PHF3: variants seen among roughly 807,000 people sequenced by gnomAD.
PHF3 encodes the protein PHD finger protein 3.
A neutral mutation model predicts 178.4 loss-of-function variants in PHF3; 41 were observed. That is an observed-to-expected ratio of 0.23 (90% CI 0.18 to 0.30). PHF3 has a LOEUF of 0.30. Among genes scored for constraint, PHF3 ranks in the 10% least tolerant of loss-of-function variants. The probability of loss-of-function intolerance (pLI) is 1.00; values close to 1 mark genes in which losing one functional copy is unlikely to be tolerated. For missense variants in PHF3, 2,346 were observed against 2,398.1 expected (o/e 0.98, Z 0.45); for synonymous variants, 842 against 800.5 (o/e 1.05, Z -0.88).
rs148011732 is a variant in PHF3, at chr6:63,661,344, A to T, written c.244+14549A>T. On this transcript the variant is annotated intron_variant, in intron 2 of 15. Coordinates refer to ENST00000262043, the MANE Select transcript of PHF3 (RefSeq NM_001370348.2). Reference sequence around the variant, plus strand: ...ATGAGACTAGAAGTTAAGAAAATAAAATGTTTGATGCAGGTGGGGTACAAC... The same window carrying T: ...ATGAGACTAGAAGTTAAGAAAATAATATGTTTGATGCAGGTGGGGTACAAC... Among the ~76,000 whole-genome samples the T allele has an allele frequency of 8.6e-3, 1,313 of 152,262 alleles. 8 individuals are homozygous for T. The highest frequency in any genetic ancestry group is 0.012 in the Non-Finnish European group (841 of 68,012).
intron 1 of PHF3, among the ~76,000 whole-genome samples, chr6:63,638,272 CA>C (rs1036219236): frequency 1.4e-4 from 21 of 152,096 alleles, no homozygotes; most frequent in African/African-American, 4.6e-4. Flanking sequence ...CAGCAAGTGG[CA>C]ATTTGGAGTA....
chr6:63,697,315 G>A (rs571310073), intron 6 of PHF3, among the ~76,000 whole-genome samples: 2 of 152,186 alleles, frequency 1.3e-5, no homozygotes, highest in South Asian at 4.2e-4. Context: ...AATATGAAGA[G>A]CAAATCAAAA....
At chr6:63,679,840 T>C (rs1460084544) in intron 2 of PHF3, 160 bp from the exon 3 acceptor site, 6 of 682,390 alleles carry the variant, frequency 8.8e-6, no homozygotes, top group Admixed American at 6.1e-5. Flanking sequence ...TTTGGGAGTT[T>C]GGTAGTGGCA....
rs576956849 is a variant in PHF3, at chr6:63,684,734, G to T, written c.1012G>T (p.Asp338Tyr). The change falls in exon 4 of 16, where the codon GAC becomes TAC. Residue 338 changes from aspartate (D) to tyrosine (Y), a missense_variant. Physicochemically the swap from Asp to Tyr is radical, Grantham distance 160. Transcript: ENST00000262043. ...CCATGAAGATGACCATATTCTTGAG[G>T]ACGCTGGATCTTCTGATATTTCTAG... The part of the protein sequence containing the change: ...LSHEDDHILE[D>Y]AGSSDISSDA... 9 of 1,613,800 alleles carry T rather than the reference G, an allele frequency of 5.6e-6. No homozygotes were observed. The African/African-American group carries it at 1.1e-4, about 19-fold the overall frequency.
At position 63,685,515 on chromosome 6, in the gene PHF3, A is replaced by T; in HGVS notation, c.1793A>T (p.Asp598Val). ...IFKPLTHSLS[D>V]KSHAHPGCLK... ...AAGCCCTTAACTCATTCTTTGAGTG[A>T]TAAGTCACACGCTCATCCTGGTTGC... The change falls in exon 4 of 16, where the codon GAT becomes GTT. Residue 598 changes from aspartate to valine, a missense_variant. Coordinates refer to ENST00000262043, the MANE Select transcript of PHF3 (RefSeq NM_001370348.2). The T allele has an allele frequency of 6.2e-7, 1 of 1,614,158 alleles. No individual in the cohort carries two copies. Among genetic ancestry groups the T allele is most frequent in the Non-Finnish European group, 8.5e-7 (1 of 1,180,032 alleles).
Position 63,698,473 on chromosome 6 carries a change from A to G in PHF3, c.2850A>G (p.Val950=). The G allele has an allele frequency of 1.2e-6, 2 of 1,600,464 alleles. No individual in the cohort carries two copies. The highest frequency in any genetic ancestry group is 1.7e-6 in the Non-Finnish European group (2 of 1,175,434). ...MKRLTDSNLK[V]PEEKAAKVAT... is the part of the protein sequence containing the mutation. The stretch of plus-strand genomic sequence containing the variant: ...GACTTACAGACTCAAATTTGAAGGT[A>G]CCAGAGGAAAAGGCAGCAAAAGTTG... Residue 950 remains valine (V), a synonymous_variant, in exon 8 of 16, where the codon GTA becomes GTG. Transcript: ENST00000262043.
chr6:63,689,285 C>T (rs1582085019), intron 4 of PHF3, among the ~76,000 whole-genome samples: 1 of 152,110 alleles, frequency 6.6e-6, no homozygotes, highest in Non-Finnish European at 1.5e-5. Context: ...CTTGTGGTTT[C>T]TGTTTTTCTA....
At chr6:63,709,731 A>G (rs745361022) in intron 14 of PHF3, among the ~76,000 whole-genome samples, 1 of 152,202 alleles carries the variant, frequency 6.6e-6, no homozygotes, top group Non-Finnish European at 1.5e-5. Context: ...ATTGGAAAGA[A>G]CCTAGTCACA....
intron 1 of PHF3, among the ~76,000 whole-genome samples, chr6:63,644,469 G>C (rs1365817028): frequency 6.6e-6 from 1 of 152,160 alleles, no homozygotes; most frequent in African/African-American, 2.4e-5. Flanking sequence ...TTGGCACTGA[G>C]ATGATATAGT....
chr6:63,713,171 C>T lies in PHF3; in HGVS notation c.5583C>T (p.Leu1861=), dbSNP rs377482437. The T allele has an allele frequency of 6.2e-7, 1 of 1,614,032 alleles. No individual in the cohort carries two copies. The highest frequency in any genetic ancestry group is 8.5e-7 in the Non-Finnish European group (1 of 1,179,970). Residue 1861 remains leucine, a synonymous_variant, in exon 16 of 16, where the codon CTC becomes CTT. Coordinates refer to ENST00000262043, the MANE Select transcript of PHF3 (RefSeq NM_001370348.2). ...PMVPWPPVVH[L]PGQPQRMMGP... ...TTCCCTGGCCACCTGTTGTTCATCTCCCAGGTCAGCCACAGCGTATGATGG... is the reference window on the plus strand; with the variant it reads ...TTCCCTGGCCACCTGTTGTTCATCTTCCAGGTCAGCCACAGCGTATGATGG...
chr6:63,693,866 T>C (rs758567167), intron 5 of PHF3, among the ~76,000 whole-genome samples: 1 of 152,230 alleles, frequency 6.6e-6, no homozygotes, highest in Non-Finnish European at 1.5e-5. Flanking sequence ...GTTTCTGTTG[T>C]GTGGCATAGC....
intron 5 of PHF3, among the ~76,000 whole-genome samples, chr6:63,694,114 T>C (rs1473821055): frequency 6.6e-6 from 1 of 152,192 alleles, no homozygotes; most frequent in Non-Finnish European, 1.5e-5. Context: ...GATCTCAGAA[T>C]TCCAGTTTTA....
chr6:63,701,584 G>T (rs1177312491), intron 9 of PHF3, among the ~76,000 whole-genome samples: 1 of 151,902 alleles, frequency 6.6e-6, no homozygotes, highest in Non-Finnish European at 1.5e-5. Flanking sequence ...TGATTCTTTT[G>T]TTCATAATAT....
chr6:63,662,738 T>C (rs537087694), intron 2 of PHF3, among the ~76,000 whole-genome samples: 1 of 152,372 alleles, frequency 6.6e-6, no homozygotes, highest in South Asian at 2.1e-4. Context: ...AAATTAGTTA[T>C]CAAATATGTG....
rs1034476561 is a variant in PHF3, at chr6:63,715,668, G to T, written c.*1960G>T. 4.6e-5 allele frequency among the ~76,000 whole-genome samples: 7 copies of T among 152,024 alleles called. No individual in the cohort carries two copies. The highest frequency in any genetic ancestry group is 1.4e-4 in the African/African-American group (6 of 41,402). The stretch of plus-strand genomic sequence containing the variant: ...ATCTTGATACATGTTTTTAAAATAG[G>T]CAAGGCCCATATAGCTTTCTATTAG... On this transcript the variant is annotated 3_prime_UTR_variant, in exon 16 of 16. Coordinates refer to ENST00000262043, the MANE Select transcript of PHF3 (RefSeq NM_001370348.2).
At position 63,702,552 on chromosome 6, in the gene PHF3, G is replaced by T; in HGVS notation, c.3144G>T (p.Arg1048=). 6.2e-7 allele frequency: 1 copy of T among 1,612,342 alleles called. No homozygotes were observed. Among genetic ancestry groups the T allele is most frequent in the Non-Finnish European group, 8.5e-7 (1 of 1,178,792 alleles). Residue 1048 remains arginine, a synonymous_variant, in exon 10 of 16, where the codon CGG becomes CGT. Transcript: ENST00000262043. ...AAGAGCAGAGAGAAGTGGAACGACG[G>T]CCAATCACCAAAATAACTCATAAAG... ...IEKEQREVER[R]PITKITHKGE...
At chr6:63,709,531 T>G (rs1767836626) in intron 14 of PHF3, among the ~76,000 whole-genome samples, 1 of 152,146 alleles carries the variant, frequency 6.6e-6, no homozygotes, top group Non-Finnish European at 1.5e-5. Flanking sequence ...TTGCCTTGCT[T>G]CTATTACAGA....
At chr6:63,697,453 G>GT (rs990076589) in intron 6 of PHF3, among the ~76,000 whole-genome samples, 3 of 152,296 alleles carry the variant, frequency 2.0e-5, no homozygotes, top group Admixed American at 2.0e-4. Context: ...AGAAGGTTGA[G>GT]TTACCTACTT....
intron 1 of PHF3, among the ~76,000 whole-genome samples, chr6:63,639,898 A>G (rs1764501436): frequency 6.6e-6 from 1 of 152,186 alleles, no homozygotes; most frequent in Non-Finnish European, 1.5e-5. Context: ...TTATAATGTC[A>G]GTTATGATAT....
Sources: gnomAD v4.1 joint callset for allele counts (sites outside exome capture counted in the v4.1 genomes callset) on GRCh38, gnomAD v4.1.1 for gene constraint, MANE v1.5 for transcripts, NCBI Gene and HGNC (gene_info 2026-07-23, HGNC 2026-07-21) for gene names.